LFNG: variants seen among roughly 807,000 people sequenced by gnomAD.
The protein encoded by LFNG is beta-1,3-N-acetylglucosaminyltransferase lunatic fringe.
LFNG carries 15 observed loss-of-function variants against 32.7 expected under a neutral mutation model. The ratio of observed to expected loss-of-function variants is 0.46; its 90% CI spans 0.31 to 0.71. The LOEUF (loss-of-function observed/expected upper bound fraction) is 0.71, where lower values mean the gene tolerates loss of function less well. LFNG is among the 30% of genes least tolerant of loss of function. LFNG has a pLI of 0.06. For synonymous variants in LFNG, 274 were observed against 246.8 expected, an observed-to-expected ratio of 1.11 and a Z score of -1.03; for missense variants, 520 against 545.7, an observed-to-expected ratio of 0.95 and a Z score of 0.47.
At position 2,520,213 on chromosome 7, in the gene LFNG, G is replaced by T; in HGVS notation, c.352G>T (p.Ala118Ser). ...GCTCGCGCCCCGAGACGTCTTCATC[G>T]CTGTCAAGACCACCAAAAAGTTCCA... ...EPLAPRDVFI[A>S]VKTTKKFHRA... The change falls in exon 1 of 8, where the codon GCT becomes TCT. Residue 118 changes from alanine to serine, a missense_variant. This residue lies in a region of LFNG where 360 missense variants were observed against 354.7 expected (regional missense o/e 1.01). Coordinates refer to ENST00000222725, the MANE Select transcript of LFNG (RefSeq NM_001040167.2). The surrounding 1 kb of genome is among the most constrained non-coding windows in gnomAD (Gnocchi z 5.0). 6.2e-7 allele frequency: 1 copy of T among 1,605,790 alleles called. No individual in the cohort carries two copies. Among genetic ancestry groups the T allele is most frequent in the South Asian group, 1.1e-5 (1 of 90,652 alleles).
At chr7:2,514,241 G>A (rs576217228), upstream of LFNG, among the ~76,000 whole-genome samples, 530 of 152,356 alleles carry the variant, frequency 3.5e-3, 1 homozygote, top group Non-Finnish European at 4.7e-3. Flanking sequence ...CTGGGCATTT[G>A]GGAGACAGAG....
At chr7:2,519,673 G>C (rs1779724528), upstream of LFNG, among the ~76,000 whole-genome samples, 1 of 149,220 alleles carries the variant, frequency 6.7e-6, no homozygotes, top group South Asian at 2.1e-4. Context: ...GTGGAGCGGC[G>C]ACCGGCGCGA....
chr7:2,518,432 C>G, upstream of LFNG: 1 of 746,150 alleles, frequency 1.3e-6, no homozygotes, highest in South Asian at 1.4e-5. Flanking sequence ...CCCTGGGGCC[C>G]TAAGAGCAAA....
At chr7:2,528,796 A>T, downstream of LFNG, 1 of 654,326 alleles carries the variant, frequency 1.5e-6, no homozygotes, top group Non-Finnish European at 2.8e-6. Context: ...GACTCCTGTG[A>T]CCGGGCCTGG....
downstream of LFNG, chr7:2,528,801 G>A (rs1583280249): frequency 1.5e-6 from 1 of 648,236 alleles, no homozygotes; most frequent in East Asian, 3.1e-5. Flanking sequence ...CTGTGACCGG[G>A]CCTGGGGCCT....
chr7:2,512,747 G>A lies in LFNG; in HGVS notation c.47+46G>A, dbSNP rs115380608. 7.8e-3 allele frequency: 12,434 copies of A among 1,584,676 alleles called. 364 individuals carry two copies. The highest frequency in any genetic ancestry group is 0.052 in the South Asian group (4,663 of 90,244). On this transcript the variant is annotated intron_variant, in intron 1 of 8. Coordinates refer to the LFNG transcript ENST00000402506. ...TCCTCCTAGAATGCCACTCAGAGCC[G>A]TCCCTCTTGCTCGTGAACCTGGAGC...
In LFNG at chr7:2,525,699, C is replaced by T. The variant is rs1269260155; in HGVS notation, c.750C>T (p.Phe250=). The change falls in exon 5 of 8, where the codon TTC becomes TTT. Residue 250 remains phenylalanine, a synonymous_variant. Transcript: ENST00000222725. ...VSENKVRPVH[F]WFATGGAGFC... ...CCTTCTCCCAGCGTCCTGTCCACTT[C>T]TGGTTTGCCACGGGCGGCGCTGGCT... 9 of 1,613,132 alleles carry T rather than the reference C, an allele frequency of 5.6e-6. No individual in the cohort carries two copies. Among genetic ancestry groups the T allele is most frequent in the African/African-American group, 1.3e-5 (1 of 74,954 alleles).
intron 1 of LFNG, among the ~76,000 whole-genome samples, chr7:2,523,168 C>T (rs991928291): frequency 1.3e-5 from 2 of 152,226 alleles, no homozygotes; most frequent in South Asian, 2.1e-4. Context: ...AACCCAGCGG[C>T]GCAGTGGAGC....
intron 1 of LFNG, among the ~76,000 whole-genome samples, chr7:2,523,028 G>T (rs1290769146): frequency 6.6e-6 from 1 of 152,222 alleles, no homozygotes; most frequent in African/African-American, 2.4e-5. Flanking sequence ...CTGTTCTAGA[G>T]GCCTCCCTGC....
chr7:2,517,849 C>T, upstream of LFNG: 1 of 1,219,698 alleles, frequency 8.2e-7, no homozygotes, highest in East Asian at 6.0e-5. Context: ...TTAACTCAGC[C>T]AGTGGAGAGC....
upstream of LFNG, among the ~76,000 whole-genome samples, chr7:2,518,241 C>T (rs372997563): frequency 9.2e-5 from 14 of 152,252 alleles, no homozygotes; most frequent in East Asian, 9.6e-4. Flanking sequence ...TCTGGCTGAT[C>T]GGAAGGGGTT....
chr7:2,525,328 G>T lies in LFNG; in HGVS notation c.581+10G>T. The T allele has an allele frequency of 1.2e-6, 2 of 1,612,570 alleles. No individual in the cohort carries two copies. Among genetic ancestry groups the T allele is most frequent in the Non-Finnish European group, 1.7e-6 (2 of 1,179,628 alleles). ...TCGAGTCCGGCAGGAAGTGAGTGTG[G>T]CCCCGGGGGACCCCCATCTCCCTGC... On this transcript the variant is annotated intron_variant, in intron 3 of 7. Transcript: ENST00000222725.
At position 2,527,350 on chromosome 7, in the gene LFNG, G is replaced by C; in HGVS notation, c.*138G>C. 6.6e-7 allele frequency: 1 copy of C among 1,523,456 alleles called. No individual in the cohort carries two copies. The highest frequency in any genetic ancestry group is 8.8e-7 in the Non-Finnish European group (1 of 1,139,794). 94.4% of individuals were successfully genotyped at this position (1,523,456 alleles called of 1,614,324 possible). ...CGTGTGCGTGTGCGTGTGTGTGTGT[G>C]TGTACTGCATGCCCACCCGGGTAGC... On this transcript the variant is annotated 3_prime_UTR_variant, in exon 8 of 8. Coordinates refer to ENST00000222725, the MANE Select transcript of LFNG (RefSeq NM_001040167.2). This position sits in a 1 kb window ranked among gnomAD's most constrained non-coding sequence, Gnocchi z 4.4.
At chr7:2,514,706 C>G (rs1270853304), upstream of LFNG, among the ~76,000 whole-genome samples, 1 of 151,752 alleles carries the variant, frequency 6.6e-6, no homozygotes, top group Non-Finnish European at 1.5e-5. Context: ...ATACATCCAT[C>G]TATCCATCTG....
chr7:2,512,694 T>C (rs755211617), exon 1 of LFNG: 2 of 1,613,760 alleles, frequency 1.2e-6, no homozygotes, highest in East Asian at 2.2e-5. Context: ...GGACACGTAT[T>C]GTATGAGGTG....
Position 2,512,793 on chromosome 7 carries a change from C to A in LFNG, c.47+92C>A, listed in dbSNP as rs878921369. The A allele has an allele frequency of 1.5e-5, 16 of 1,099,208 alleles. No individual in the cohort carries two copies. In the South Asian group the frequency reaches 1.8e-4, roughly 12 times the overall value. 68.1% of individuals were successfully genotyped at this position (1,099,208 alleles called of 1,614,324 possible). On this transcript the variant is annotated intron_variant, in intron 1 of 8. Transcript: ENST00000402506. ...GGAGCCCCCTATGTCTCCCCCAGTA[C>A]CCCTGCATTCTACACCTAGATCCTC...
chr7:2,529,073 A>T (rs949324653), downstream of LFNG: 7 of 406,580 alleles, frequency 1.7e-5, no homozygotes, highest in African/African-American at 1.2e-4. This position sits in a 1 kb window ranked among gnomAD's most constrained non-coding sequence, Gnocchi z 4.2. Context: ...CCTGGAGAGC[A>T]GGAGCAGTGC....
chr7:2,526,101 G>T lies in LFNG; in HGVS notation c.822-143G>T. ...GAGTGTGCCCTGGCTGTGGCCAGGGGAGGCAGAGGGAGCTGCAGCCCAGAG... is the reference window on the plus strand; with the variant it reads ...GAGTGTGCCCTGGCTGTGGCCAGGGTAGGCAGAGGGAGCTGCAGCCCAGAG... On this transcript the variant is annotated intron_variant, in intron 5 of 7. Transcript: ENST00000222725. The surrounding 1 kb of genome is among the most constrained non-coding windows in gnomAD (Gnocchi z 6.9). 1.2e-6 allele frequency: 1 copy of T among 805,390 alleles called. No individual in the cohort carries two copies. Among genetic ancestry groups the T allele is most frequent in the Middle Eastern group, 3.3e-4 (1 of 2,990 alleles). The allele number at this position is 805,390 out of a possible 1,614,324, so 49.9% of individuals were successfully genotyped here. A position where few individuals can be genotyped will look rare whatever the true frequency, so the allele number is the denominator to read the frequency against.
At chr7:2,517,228 C>G (rs1277496132), upstream of LFNG, among the ~76,000 whole-genome samples, 1 of 152,092 alleles carries the variant, frequency 6.6e-6, no homozygotes, top group African/African-American at 2.4e-5. Flanking sequence ...TTTCAGACCT[C>G]AAGAAGTCAC....
Sources: allele counts gnomAD v4.1 joint callset (sites outside exome capture counted in the v4.1 genomes callset), GRCh38; gene constraint gnomAD v4.1.1; regional missense constraint gnomAD v4.1.1; non-coding constraint Gnocchi (gnomAD v3.1); transcripts MANE v1.5; gene names NCBI Gene and HGNC (gene_info 2026-07-23, HGNC 2026-07-21).